Variants in TXNRD1 observed in about 807,000 individuals in gnomAD.
TXNRD1 encodes the protein thioredoxin reductase 1, cytoplasmic.
In TXNRD1, 57 loss-of-function variants were observed where a neutral mutation model predicts 80.3. The ratio of observed to expected loss-of-function variants is 0.71; its 90% CI spans 0.57 to 0.89. The LOEUF is 0.89. TXNRD1 is among the 40% of genes least tolerant of loss of function. The pLI, the probability that TXNRD1 is intolerant of heterozygous loss-of-function variation, is 0.00. For synonymous variants in TXNRD1, 291 were observed against 285.2 expected (o/e 1.02, Z -0.20); for missense variants, 730 against 803.0 (o/e 0.91, Z 1.10).
chr12:104,238,375 A>G (rs1051932801), intron 1 of TXNRD1, among the ~76,000 whole-genome samples: 2 of 152,254 alleles, frequency 1.3e-5, no homozygotes, highest in African/African-American at 4.8e-5. Flanking sequence ...CAAGCAAAAC[A>G]CAAGTTAACT....
At chr12:104,229,134 C>G (rs1347432661) in intron 1 of TXNRD1, among the ~76,000 whole-genome samples, 1 of 145,326 alleles carries the variant, frequency 6.9e-6, no homozygotes, top group African/African-American at 2.6e-5. Context: ...CTATTCCGAG[C>G]ATTACTTTTC....
intron 13 of TXNRD1, among the ~76,000 whole-genome samples, chr12:104,328,821 T>C (rs1324943529): frequency 6.6e-6 from 1 of 151,796 alleles, no homozygotes; most frequent in Non-Finnish European, 1.5e-5. Context: ...TTAAATGTTA[T>C]ATTGAATTTT....
At chr12:104,216,345 C>A (rs2032209464) in intron 1 of TXNRD1, among the ~76,000 whole-genome samples, 1 of 152,254 alleles carries the variant, frequency 6.6e-6, no homozygotes, top group African/African-American at 2.4e-5. Flanking sequence ...GCCCCCGGCC[C>A]ACTCCCAGCA....
chr12:104,341,994 T>C (rs1358548565), intron 16 of TXNRD1, among the ~76,000 whole-genome samples: 2 of 152,012 alleles, frequency 1.3e-5, no homozygotes, highest in African/African-American at 4.8e-5. Flanking sequence ...GGCAAGGTGG[T>C]TGTGGGGAGG....
chr12:104,294,233 G>GGCGCCCCCCC (rs60817773), intron 4 of TXNRD1, among the ~76,000 whole-genome samples: 1 of 68,910 alleles, frequency 1.5e-5, no homozygotes, highest in African/African-American at 5.9e-5. Flanking sequence ...CCGGGGAAAG[G>GGCGCCCCCCC]CCCCCCCCCC....
chr12:104,262,232 T>TAAAAAAAA (rs56774416), intron 3 of TXNRD1: 2 of 93,736 alleles, frequency 2.1e-5, no homozygotes, highest in Non-Finnish European at 4.0e-5. Flanking sequence ...GACTCTGTAT[T>TAAAAAAAA]AAAAAAAAAA....
At chr12:104,233,076 C>T (rs2032659298) in intron 1 of TXNRD1, among the ~76,000 whole-genome samples, 2 of 152,202 alleles carry the variant, frequency 1.3e-5, no homozygotes, top group African/African-American at 2.4e-5. Context: ...GAGATGTATG[C>T]TGTAAGCTGG....
intron 4 of TXNRD1, among the ~76,000 whole-genome samples, chr12:104,300,314 GAAAGAGGAA>G (rs1369540250): frequency 6.6e-6 from 1 of 152,186 alleles, no homozygotes; most frequent in African/African-American, 2.4e-5. Context: ...CTTGAGCGAA[GAAAGAGGAA>G]AAAGGGGAAA....
intron 1 of TXNRD1, chr12:104,224,684 C>G: frequency 2.8e-6 from 1 of 361,308 alleles, no homozygotes; most frequent in South Asian, 2.2e-5. Context: ...GCACCTATAG[C>G]TGTCTTGTTT....
chr12:104,345,137 A>T (rs1414187090), intron 16 of TXNRD1, among the ~76,000 whole-genome samples: 1 of 152,264 alleles, frequency 6.6e-6, no homozygotes, highest in African/African-American at 2.4e-5. Flanking sequence ...CAATAATTTG[A>T]CAGTGACTGA....
intron 9 of TXNRD1, among the ~76,000 whole-genome samples, chr12:104,320,205 T>C (rs2035478011): frequency 6.6e-6 from 1 of 152,270 alleles, no homozygotes; most frequent in African/African-American, 2.4e-5. Flanking sequence ...AATTATGAAG[T>C]CATTAAGACA....
chr12:104,302,657 T>G lies in TXNRD1; in HGVS notation c.415-8633T>G, dbSNP rs34871561. Among the ~76,000 whole-genome samples, 1,495 of 152,132 alleles carry G rather than the reference T, an allele frequency of 9.8e-3. 33 individuals carry two copies. The highest frequency in any genetic ancestry group is 0.034 in the African/African-American group (1,408 of 41,494). ...GGCGCCTGCCACCGCGCCCGGCTAA[T>G]TTTTTGTAGTTTTAGTAGAGACGGG... On this transcript the variant is annotated intron_variant, in intron 4 of 16. Transcript: ENST00000525566.
intron 2 of TXNRD1, among the ~76,000 whole-genome samples, chr12:104,252,250 T>G (rs1314635077): frequency 6.6e-6 from 1 of 152,026 alleles, no homozygotes; most frequent in Non-Finnish European, 1.5e-5. Flanking sequence ...CCGGTTGATT[T>G]GCGGCCCTTT....
intron 4 of TXNRD1, among the ~76,000 whole-genome samples, chr12:104,297,706 G>A (rs1444515349): frequency 1.3e-5 from 2 of 152,172 alleles, no homozygotes; most frequent in Non-Finnish European, 2.9e-5. Context: ...GTATGGCAGA[G>A]TGAGACATCT....
At chr12:104,261,354 A>T (rs1292869840) in intron 3 of TXNRD1, among the ~76,000 whole-genome samples, 1 of 151,888 alleles carries the variant, frequency 6.6e-6, no homozygotes, top group Non-Finnish European at 1.5e-5. Context: ...GTAGAGACAG[A>T]GTTTCTCCAT....
Position 104,326,407 on chromosome 12 carries a change from G to A in TXNRD1, c.1369G>A (p.Val457Met), listed in dbSNP as rs373356015. The A allele has an allele frequency of 1.0e-5, 16 of 1,577,874 alleles. No individual in the cohort carries two copies. In the Admixed American group the frequency reaches 1.5e-4, roughly 15 times the overall value. The change falls in exon 12 of 17, where the codon GTG becomes ATG. Residue 457 changes from valine (V) to methionine (M), a missense_variant. Coordinates refer to ENST00000525566, the MANE Select transcript of TXNRD1 (RefSeq NM_001093771.3). ...AAAAATTGGCTTAGAAACCGTAGGG[G>A]TGAAGATAAATGAAAAGTAAGAAAA... ...TRKIGLETVGVKINEKTGKIP... is the reference protein window; with the variant it reads ...TRKIGLETVGMKINEKTGKIP...
intron 1 of TXNRD1, among the ~76,000 whole-genome samples, chr12:104,227,684 G>C (rs2032504712): frequency 6.6e-6 from 1 of 152,124 alleles, no homozygotes; most frequent in South Asian, 2.1e-4. Context: ...CTCCCCAGTT[G>C]ATTAGGATAC....
chr12:104,339,192 A>G lies in TXNRD1; in HGVS notation c.1800A>G (p.Gln600=). ...GTCCAAATGCTGGAGAAGTTACACA[A>G]GGCTTTGCAGCTGCGCTCAAATGTG... ...VLGPNAGEVT[Q]GFAAALKCGL... The change falls in exon 16 of 17, where the codon CAA becomes CAG. Residue 600 remains glutamine (Q), a synonymous_variant. Coordinates refer to ENST00000525566, the MANE Select transcript of TXNRD1 (RefSeq NM_001093771.3). The G allele has an allele frequency of 6.2e-7, 1 of 1,614,002 alleles. No individual in the cohort carries two copies. Among genetic ancestry groups the G allele is most frequent in the South Asian group, 1.1e-5 (1 of 91,084 alleles).
chr12:104,225,503 G>T (rs111449089), intron 1 of TXNRD1, among the ~76,000 whole-genome samples: 168 of 152,262 alleles, frequency 1.1e-3, no homozygotes, highest in African/African-American at 3.9e-3. Flanking sequence ...AGTACCAGAT[G>T]GAGATAACTG....
Sources: gnomAD v4.1 joint callset for allele counts (sites outside exome capture counted in the v4.1 genomes callset) on GRCh38, gnomAD v4.1.1 for gene constraint, MANE v1.5 for transcripts, NCBI Gene and HGNC (gene_info 2026-07-23, HGNC 2026-07-21) for gene names.